The following ME3 variants were observed in gnomAD, a reference collection of about 807,000 sequenced individuals.
ME3 encodes the protein malic enzyme 3, also known as NADP-dependent malic enzyme, mitochondrial.
Under a neutral mutation model 68.9 loss-of-function variants are expected in ME3, and 48 were observed. That is an observed-to-expected ratio of 0.70 (90% CI 0.55 to 0.89). The LOEUF (loss-of-function observed/expected upper bound fraction) is 0.89. ME3 is among the 40% of genes least tolerant of loss of function. The pLI is 0.00. For synonymous variants in ME3, 320 were observed against 318.8 expected (o/e 1.00, Z -0.04); for missense variants, 675 against 797.4 (o/e 0.85, Z 1.85).
At chr11:86,533,159 A>C (rs1392334130) in intron 4 of ME3, among the ~76,000 whole-genome samples, 1 of 152,138 alleles carries the variant, frequency 6.6e-6, no homozygotes. Flanking sequence ...TAACAAAGAT[A>C]AGAACAGAAG....
exon 4 of ME3, chr11:86,556,607 G>A (rs529462870): frequency 1.1e-5 from 17 of 1,614,138 alleles, no homozygotes; most frequent in African/African-American, 5.3e-5. Flanking sequence ...CACGGTAGGC[G>A]TGTACACGAT....
intron 4 of ME3, among the ~76,000 whole-genome samples, chr11:86,509,111 G>C (rs532164560): frequency 9.2e-5 from 14 of 152,300 alleles, no homozygotes; most frequent in Non-Finnish European, 1.8e-4. Flanking sequence ...GTGCTCCCCA[G>C]AGTCTGTGCC....
intron 4 of ME3, 65 bp from the exon 5 acceptor site, chr11:86,508,932 C>A: frequency 7.7e-7 from 1 of 1,290,480 alleles, no homozygotes; most frequent in South Asian, 1.2e-5. Flanking sequence ...TGAGCAAAGT[C>A]CATAGTACTA....
At chr11:86,671,248 C>G (rs1417492704) in intron 2 of ME3, among the ~76,000 whole-genome samples, 1 of 152,152 alleles carries the variant, frequency 6.6e-6, no homozygotes, top group African/African-American at 2.4e-5. Flanking sequence ...CTTTTCCATC[C>G]TTGCTCTCAA....
intron 6 of ME3, among the ~76,000 whole-genome samples, chr11:86,488,097 T>G (rs1228918269): frequency 6.6e-6 from 1 of 152,166 alleles, no homozygotes; most frequent in African/African-American, 2.4e-5. Flanking sequence ...GGAGGCTCAC[T>G]TGACCTTGGG....
chr11:86,486,798 G>A (rs1951717272), intron 7 of ME3, among the ~76,000 whole-genome samples: 1 of 152,232 alleles, frequency 6.6e-6, no homozygotes. Flanking sequence ...GGGCAGGCAA[G>A]TGGGGTGGAA....
At chr11:86,667,097 A>G (rs1425129934) in intron 2 of ME3, among the ~76,000 whole-genome samples, 1 of 152,204 alleles carries the variant, frequency 6.6e-6, no homozygotes, top group Non-Finnish European at 1.5e-5. Context: ...ACTGCTCTAA[A>G]TGTATCAAGT....
At chr11:86,508,705 G>T (rs1263307975) in intron 5 of ME3, 87 bp downstream of exon 5, 1 of 1,270,284 alleles carries the variant, frequency 7.9e-7, no homozygotes, top group Non-Finnish European at 1.1e-6. Context: ...TGTCATAATG[G>T]CTCATTTTAT....
At chr11:86,585,048 G>A (rs1958655529) in intron 2 of ME3, among the ~76,000 whole-genome samples, 1 of 152,160 alleles carries the variant, frequency 6.6e-6, no homozygotes, top group Admixed American at 6.5e-5. Context: ...GCTCGGGGTA[G>A]GGGTGGTGTT....
intron 4 of ME3, among the ~76,000 whole-genome samples, chr11:86,551,706 G>T (rs1044300596): frequency 6.6e-6 from 1 of 152,176 alleles, no homozygotes; most frequent in Non-Finnish European, 1.5e-5. Context: ...TTCAATAAAT[G>T]GTAACTCTTA....
chr11:86,437,673 C>G (rs1948905385), downstream of ME3, among the ~76,000 whole-genome samples: 1 of 152,076 alleles, frequency 6.6e-6, no homozygotes, highest in East Asian at 1.9e-4. Context: ...ACTATACTTG[C>G]ACTTCTAAAA....
At chr11:86,469,028 G>C (rs1230931143) in intron 7 of ME3, among the ~76,000 whole-genome samples, 2 of 152,050 alleles carry the variant, frequency 1.3e-5, no homozygotes, top group Admixed American at 6.6e-5. Context: ...TCAAGAACCA[G>C]CTTCAGTTTA....
At chr11:86,608,934 A>G (rs1028817811) in intron 2 of ME3, among the ~76,000 whole-genome samples, 1 of 152,226 alleles carries the variant, frequency 6.6e-6, no homozygotes, top group African/African-American at 2.4e-5. Context: ...ATGGATAACA[A>G]TTGACATGAT....
At chr11:86,546,775 A>G in intron 4 of ME3, among the ~76,000 whole-genome samples, 1 of 152,234 alleles carries the variant, frequency 6.6e-6, no homozygotes. Flanking sequence ...TCGAAGATGT[A>G]GAACCAGAAA....
chr11:86,657,764 C>G (rs900985911), intron 2 of ME3, among the ~76,000 whole-genome samples: 4 of 152,118 alleles, frequency 2.6e-5, no homozygotes, highest in Non-Finnish European at 5.9e-5. Flanking sequence ...GTTGTTCGTT[C>G]ACTTATTTAT....
intron 6 of ME3, among the ~76,000 whole-genome samples, chr11:86,493,498 C>A (rs1303177647): frequency 6.6e-6 from 1 of 152,224 alleles, no homozygotes; most frequent in Admixed American, 6.5e-5. Flanking sequence ...CTGCTCTGAG[C>A]CTCGTTTCCC....
chr11:86,440,897 T>G (rs2138570529), downstream of ME3, among the ~76,000 whole-genome samples: 1 of 152,318 alleles, frequency 6.6e-6, no homozygotes, highest in East Asian at 1.9e-4. Flanking sequence ...TCAGTTTTTA[T>G]CTGTTCTTTC....
chr11:86,438,819 C>G (rs1329302363), downstream of ME3, among the ~76,000 whole-genome samples: 1 of 152,012 alleles, frequency 6.6e-6, no homozygotes, highest in Admixed American at 6.6e-5. Flanking sequence ...CAGGGTACTC[C>G]AGAGAAACAG....
chr11:86,670,403 G>A (rs1946847788), intron 2 of ME3, among the ~76,000 whole-genome samples: 2 of 152,176 alleles, frequency 1.3e-5, no homozygotes, highest in Admixed American at 6.5e-5. Flanking sequence ...CTGGGCTTGT[G>A]GTTCAAGCCG....
Sources: allele counts gnomAD v4.1 joint callset (sites outside exome capture counted in the v4.1 genomes callset), GRCh38; gene constraint gnomAD v4.1.1; transcripts MANE v1.5; gene names NCBI Gene and HGNC (gene_info 2026-07-23, HGNC 2026-07-21).